ZNF699: variants seen among roughly 807,000 people sequenced by gnomAD.
ZNF699 encodes zinc finger protein 699.
ZNF699 carries 18 observed loss-of-function variants against 22.5 expected under a neutral mutation model. The observed-to-expected ratio is 0.80, with a 90% CI of 0.55 to 1.19. The LOEUF (loss-of-function observed/expected upper bound fraction) is 1.19, where lower values mean the gene tolerates loss of function less well. Among genes scored for constraint, ZNF699 ranks in the 50% most tolerant of loss-of-function variants. The pLI is 0.00. For missense variants in ZNF699, 670 were observed against 763.4 expected (o/e 0.88, Z 1.44); for synonymous variants, 241 against 262.3 (o/e 0.92, Z 0.78).
chr19:9,292,539 T>G lies in ZNF699; in HGVS notation c.*2936A>C, dbSNP rs2066268844. Among the ~76,000 whole-genome samples, 2 of 152,166 alleles carry G rather than the reference T, an allele frequency of 1.3e-5. No individual in the cohort carries two copies. Among genetic ancestry groups the G allele is most frequent in the Non-Finnish European group, 2.9e-5 (2 of 68,032 alleles). The stretch of plus-strand genomic sequence containing the variant: ...CCAAGACAGGGAGACAGAATTCAAC[T>G]AGATAACATTTTTTTAGCCCCAGGA... On this transcript the variant is annotated 3_prime_UTR_variant, in exon 6 of 6. Coordinates refer to ENST00000591998, the MANE Select transcript of ZNF699 (RefSeq NM_198535.3).
chr19:9,301,436 G>A (rs1031690694), intron 3 of ZNF699, among the ~76,000 whole-genome samples: 1 of 152,118 alleles, frequency 6.6e-6, no homozygotes, highest in Admixed American at 6.5e-5. Flanking sequence ...AGAGAACATG[G>A]CCCTGCTGAT....
At chr19:9,303,798 T>C (rs1031750336) in intron 2 of ZNF699, among the ~76,000 whole-genome samples, 9 of 151,762 alleles carry the variant, frequency 5.9e-5, no homozygotes, top group African/African-American at 2.2e-4. Flanking sequence ...TCCTAGGAAA[T>C]AGGATGAAAA....
chr19:9,301,898 C>A (rs2066308670), intron 3 of ZNF699, among the ~76,000 whole-genome samples: 4 of 148,772 alleles, frequency 2.7e-5, no homozygotes, highest in Admixed American at 6.6e-5. Context: ...TGTTTATTTT[C>A]TTTTTTCTTT....
At chr19:9,302,344 A>T in intron 3 of ZNF699, 34 bp downstream of exon 3, 2 of 1,611,528 alleles carry the variant, frequency 1.2e-6, no homozygotes, top group Non-Finnish European at 1.7e-6. Context: ...ATAACTTTCT[A>T]AACAACTACA....
intron 3 of ZNF699, among the ~76,000 whole-genome samples, chr19:9,299,820 AAAAC>A (rs1439498773): frequency 6.6e-5 from 10 of 152,192 alleles, no homozygotes; most frequent in East Asian, 5.8e-4. Flanking sequence ...CATACAGAAA[AAAAC>A]AAACAAAATA....
chr19:9,301,138 AGAGAG>A (rs2066305973), intron 3 of ZNF699, among the ~76,000 whole-genome samples: 4 of 116,206 alleles, frequency 3.4e-5, no homozygotes, highest in South Asian at 4.7e-4. Context: ...CAAAAAAAAA[AGAGAG>A]AGAGAGAGAG....
chr19:9,296,088 T>C lies in ZNF699; in HGVS notation c.1316A>G (p.Lys439Arg). Residue 439 changes from lysine to arginine, a missense_variant, in exon 6 of 6, where the codon AAA (lysine) becomes AGA (arginine). Transcript: ENST00000591998. Reference protein sequence around the residue: ...YLPTSLNTHVKNQSREKPYEC... With the variant: ...YLPTSLNTHVRNQSREKPYEC... ...ATAGGGTTTCTCTCGACTTTGATTT[T>C]TCACATGTGTATTAAGGGAAGTGGG... is the stretch of plus-strand genomic sequence containing the variant. 1 of 1,604,612 alleles carries C rather than the reference T, an allele frequency of 6.2e-7. No individual in the cohort carries two copies. The highest frequency in any genetic ancestry group is 1.1e-5 in the South Asian group (1 of 90,286).
At position 9,296,652 on chromosome 19, in the gene ZNF699, T is replaced by C. The variant is rs200357481; in HGVS notation, c.752A>G (p.Tyr251Cys). The change falls in exon 6 of 6, where the codon TAT becomes TGT. Residue 251 changes from tyrosine to cysteine, a missense_variant. Physicochemically the swap from Tyr to Cys is radical, Grantham distance 194 (BLOSUM62 -2). Coordinates refer to ENST00000591998, the MANE Select transcript of ZNF699 (RefSeq NM_198535.3). The part of the protein sequence containing the change: ...HMKTPTEEKP[Y>C]ECKECTKAFS... ...GGCTTTGGTACATTCCTTACATTCA[T>C]AGGGCTTCTCTTCAGTGGGGGTTTT... 1.5e-5 allele frequency: 25 copies of C among 1,613,992 alleles called. No homozygotes were observed. The African/African-American group carries it at 1.7e-4, about 11-fold the overall frequency.
At chr19:9,304,192 A>G (rs2144982276) in intron 2 of ZNF699, among the ~76,000 whole-genome samples, 1 of 152,278 alleles carries the variant, frequency 6.6e-6, no homozygotes, top group South Asian at 2.1e-4. Flanking sequence ...AAAGTCCAGA[A>G]CATATTGAAG....
rs2066274036 is a variant in ZNF699, at chr19:9,293,599, A to C, written c.*1876T>G. Among the ~76,000 whole-genome samples the C allele has an allele frequency of 6.6e-6, 1 of 152,210 alleles. No homozygotes were observed. The highest frequency in any genetic ancestry group is 1.5e-5 in the Non-Finnish European group (1 of 68,036). ...CAAGAACAAGCACACCAAGTCAATT[A>C]TAGTAAGAGTCAAAATTGTGGTTGC... On this transcript the variant is annotated 3_prime_UTR_variant, in exon 6 of 6. Transcript: ENST00000591998.
At chr19:9,305,210 A>G (rs1202685660) in intron 1 of ZNF699, 86 bp from the exon 2 acceptor site, 3 of 1,024,992 alleles carry the variant, frequency 2.9e-6, no homozygotes, top group South Asian at 2.7e-5. Flanking sequence ...TCCCACACTC[A>G]TGAGCCTGGA....
intron 1 of ZNF699, among the ~76,000 whole-genome samples, chr19:9,308,701 T>C (rs776843317): frequency 2.0e-5 from 3 of 152,140 alleles, no homozygotes; most frequent in Non-Finnish European, 4.4e-5. Flanking sequence ...GGTGAAATGA[T>C]AGAATAATTC....
In ZNF699 at chr19:9,297,286, T is replaced by C. The variant is rs1222199829; in HGVS notation, c.470+10A>G. On this transcript the variant is annotated intron_variant, in intron 5 of 5. Transcript: ENST00000591998. The surrounding 1 kb of genome is among the most constrained non-coding windows in gnomAD (Gnocchi z 4.3). ...TGAGGCACTTTCTCTTTCTCACGAATGGCACTCACCTCAAATGTCTCTCAT... is the reference window on the plus strand; with the variant it reads ...TGAGGCACTTTCTCTTTCTCACGAACGGCACTCACCTCAAATGTCTCTCAT... The C allele has an allele frequency of 3.2e-6, 5 of 1,570,978 alleles. No individual in the cohort carries two copies. The highest frequency in any genetic ancestry group is 4.3e-6 in the Non-Finnish European group (5 of 1,170,138).
chr19:9,297,151 G>T lies in ZNF699; in HGVS notation c.470+145C>A. 2 of 923,614 alleles carry T rather than the reference G, an allele frequency of 2.2e-6. No homozygotes were observed. Among genetic ancestry groups the T allele is most frequent in the Non-Finnish European group, 3.1e-6 (2 of 641,286 alleles). 57.2% of individuals were successfully genotyped at this position (923,614 alleles called of 1,614,324 possible). A position where few individuals can be genotyped will look rare whatever the true frequency, so the allele number is the denominator to read the frequency against. ...CATTCAAAATCCCGGTCTCATTTGT[G>T]GAAAAAATTAACTCATGAAAATTCT... On this transcript the variant is annotated intron_variant, in intron 5 of 5. Transcript: ENST00000591998. The surrounding 1 kb of genome is among the most constrained non-coding windows in gnomAD (Gnocchi z 4.3).
chr19:9,303,880 C>T (rs1005312564), intron 2 of ZNF699, among the ~76,000 whole-genome samples: 10 of 151,414 alleles, frequency 6.6e-5, no homozygotes, highest in South Asian at 4.2e-4. Context: ...TGCAGTGGCG[C>T]GATCTCGGCT....
In ZNF699 at chr19:9,295,505, A is replaced by T. The variant is rs377636071; in HGVS notation, c.1899T>A (p.His633Gln). The change falls in exon 6 of 6, where the codon CAT becomes CAA. Residue 633 changes from histidine to glutamine, a missense_variant. His to Gln is a conservative substitution (Grantham distance 24). Transcript: ENST00000591998. ...AFVCPAYFRR[H>Q]VKTHTRENI ...TGTTTTCTCTAGTGTGAGTTTTCAC[A>T]TGCCTTCGAAAGTAGGCAGGACAAA... 45 of 1,612,090 alleles carry T rather than the reference A, an allele frequency of 2.8e-5. No individual in the cohort carries two copies. The highest frequency in any genetic ancestry group is 3.7e-5 in the Non-Finnish European group (44 of 1,179,034).
rs1215847026 is a variant in ZNF699, at chr19:9,292,915, A to T, written c.*2560T>A. Among the ~76,000 whole-genome samples the T allele has an allele frequency of 6.6e-6, 1 of 151,598 alleles. No homozygotes were observed. Among genetic ancestry groups the T allele is most frequent in the Non-Finnish European group, 1.5e-5 (1 of 67,936 alleles). On this transcript the variant is annotated 3_prime_UTR_variant, in exon 6 of 6. Coordinates refer to ENST00000591998, the MANE Select transcript of ZNF699 (RefSeq NM_198535.3). ...TTTGGGAGGCCGAGGTGGGCAGATC[A>T]CCTGAGGTCAGGAGTTCAAGACCAA...
Position 9,295,249 on chromosome 19 carries a change from T to TA in ZNF699, c.*225_*226insT. On this transcript the variant is annotated 3_prime_UTR_variant, in exon 6 of 6. Transcript: ENST00000591998. ...GCATTCTACTTTAAGGATGAGGCACTGATCTTCATTTCTAGTAGAGATTTT... is the reference window on the plus strand; with the variant it reads ...GCATTCTACTTTAAGGATGAGGCACTAGATCTTCATTTCTAGTAGAGATTTT... The TA allele has an allele frequency of 1.9e-6, 1 of 529,640 alleles. No homozygotes were observed. Among genetic ancestry groups the TA allele is most frequent in the Admixed American group, 3.6e-5 (1 of 27,630 alleles). The allele number at this position is 529,640 out of a possible 1,614,324, so 32.8% of individuals were successfully genotyped here.
rs2066266646 is a variant in ZNF699, at chr19:9,291,840, T to G, written c.*3635A>C. 6.6e-6 allele frequency: 1 copy of G among 151,928 alleles called. No homozygotes were observed. Among genetic ancestry groups the G allele is most frequent in the African/African-American group, 2.4e-5 (1 of 41,326 alleles). The allele number at this position is 151,928 out of a possible 1,614,324, so 9.4% of individuals were successfully genotyped here. A position where few individuals can be genotyped will look rare whatever the true frequency, so the allele number is the denominator to read the frequency against. On this transcript the variant is annotated 3_prime_UTR_variant, in exon 6 of 6. Coordinates refer to ENST00000591998, the MANE Select transcript of ZNF699 (RefSeq NM_198535.3). ...CTCCTGCCCCAGCCTCCTGAGTAGC[T>G]GAGATTATAGGCACAGGCCACCACG...
Sources: gnomAD v4.1 joint callset for allele counts (sites outside exome capture counted in the v4.1 genomes callset) on GRCh38, gnomAD v4.1.1 for gene constraint, Gnocchi (gnomAD v3.1) non-coding constraint, MANE v1.5 for transcripts, NCBI Gene and HGNC (gene_info 2026-07-23, HGNC 2026-07-21) for gene names.